Variants in MCOLN2 observed in about 807,000 individuals in gnomAD.
MCOLN2 encodes the protein mucolipin TRP cation channel 2, also known as mucolipin-2.
Under a neutral mutation model 67.5 loss-of-function variants are expected in MCOLN2, and 57 were observed. The observed-to-expected ratio is 0.84, with a 90% CI of 0.68 to 1.05. The LOEUF (loss-of-function observed/expected upper bound fraction) is 1.05. MCOLN2 is among the 50% of genes least tolerant of loss of function. The pLI is 0.00. For synonymous variants in MCOLN2, 246 were observed against 233.3 expected (o/e 1.05, Z -0.50); for missense variants, 620 against 678.8 (o/e 0.91, Z 0.96).
chr1:84,952,928 A>G (rs894161415), intron 4 of MCOLN2, among the ~76,000 whole-genome samples: 1 of 152,274 alleles, frequency 6.6e-6, no homozygotes, highest in African/African-American at 2.4e-5. Flanking sequence ...AAAGTTAAAC[A>G]AACAAAAACC....
intron 7 of MCOLN2, among the ~76,000 whole-genome samples, chr1:84,943,792 G>A (rs1323124834): frequency 6.6e-6 from 1 of 152,204 alleles, no homozygotes; most frequent in African/African-American, 2.4e-5. Flanking sequence ...GCTGCCATGA[G>A]AATCAGGTGG....
intron 1 of MCOLN2, among the ~76,000 whole-genome samples, chr1:84,974,282 G>A (rs1165890759): frequency 6.6e-6 from 1 of 151,988 alleles, no homozygotes; most frequent in Non-Finnish European, 1.5e-5. Context: ...TGGACTAGAG[G>A]GGCATGCAAT....
chr1:84,975,605 C>T (rs1194010512), intron 1 of MCOLN2, among the ~76,000 whole-genome samples: 1 of 152,122 alleles, frequency 6.6e-6, no homozygotes, highest in Non-Finnish European at 1.5e-5. Flanking sequence ...AAATTCCTAA[C>T]TTTTCAATGC....
intron 12 of MCOLN2, among the ~76,000 whole-genome samples, chr1:84,930,477 A>T (rs988794767): frequency 2.0e-5 from 3 of 151,904 alleles, no homozygotes; most frequent in African/African-American, 7.3e-5. Context: ...TAATGAGATA[A>T]CCTACTTCAA....
At chr1:84,931,694 T>C (rs1444432926) in intron 11 of MCOLN2, 126 bp from the exon 12 acceptor site, 1 of 762,166 alleles carries the variant, frequency 1.3e-6, no homozygotes, top group Non-Finnish European at 2.2e-6. Context: ...TATTTTAAGA[T>C]GCTAGAACAC....
rs1161677665 is a variant in MCOLN2 at position 84,952,223 on chromosome 1, A to G, written c.747+20T>C. The G allele has an allele frequency of 3.9e-6, 6 of 1,533,282 alleles. No homozygotes were observed. The South Asian group carries it at 5.8e-5, about 15-fold the overall frequency. The allele number at this position is 1,533,282 out of a possible 1,614,324, so 95.0% of individuals were successfully genotyped here. A position where few individuals can be genotyped will look rare whatever the true frequency, so the allele number is the denominator to read the frequency against. ...AGGAAAAAAATAAAAGGAAGTAGCTAGTAAAACAAAGATACTTGCCGTATT... is the reference window on the plus strand; with the variant it reads ...AGGAAAAAAATAAAAGGAAGTAGCTGGTAAAACAAAGATACTTGCCGTATT... On this transcript the variant is annotated intron_variant, in intron 6 of 13. Transcript: ENST00000370608.
intron 1 of MCOLN2, among the ~76,000 whole-genome samples, chr1:84,973,584 A>T (rs1201707839): frequency 6.6e-6 from 1 of 151,984 alleles, no homozygotes; most frequent in Non-Finnish European, 1.5e-5. Context: ...TCATGGTGGT[A>T]CCCCCATTGA....
intron 8 of MCOLN2, 140 bp from the exon 9 acceptor site, chr1:84,939,842 A>ATCT: frequency 1.3e-6 from 1 of 761,890 alleles, no homozygotes; most frequent in Non-Finnish European, 2.2e-6. Flanking sequence ...TCGAAAGTGG[A>ATCT]GGTTACGGCA....
chr1:84,950,134 G>A (rs1019497102), intron 6 of MCOLN2, among the ~76,000 whole-genome samples: 1 of 152,136 alleles, frequency 6.6e-6, no homozygotes, highest in South Asian at 2.1e-4. Flanking sequence ...AGAGGCTAAG[G>A]AACTCACAAT....
At position 84,929,500 on chromosome 1, in the gene MCOLN2, T is replaced by A. The variant is rs1661301859; in HGVS notation, c.1664+58A>T. The A allele has an allele frequency of 2.0e-6, 3 of 1,507,808 alleles. No individual in the cohort carries two copies. In the African/African-American group the frequency reaches 4.2e-5, roughly 21 times the overall value. The allele number at this position is 1,507,808 out of a possible 1,614,324, so 93.4% of individuals were successfully genotyped here. ...GTAATGGTAATCTTGGAGGGGCTCT[T>A]TCTTAAGACAACAGAACAGCCCATC... On this transcript the variant is annotated intron_variant, in intron 13 of 13. Coordinates refer to ENST00000370608, the MANE Select transcript of MCOLN2 (RefSeq NM_153259.4).
In MCOLN2 at chr1:84,929,448, T is replaced by C. The variant is rs191515844; in HGVS notation, c.1664+110A>G. ...GAGGAAAGAAAAGAAAGGTGAATTA[T>C]TTCCCATGATAAGCTGGTCTCTGAA... is the stretch of plus-strand genomic sequence containing the variant. On this transcript the variant is annotated intron_variant, in intron 13 of 13. Transcript: ENST00000370608. The C allele has an allele frequency of 7.2e-5, 90 of 1,248,192 alleles. No homozygotes were observed. The Admixed American group carries it at 2.3e-3, about 32-fold the overall frequency. The allele number at this position is 1,248,192 out of a possible 1,614,324, so 77.3% of individuals were successfully genotyped here.
At chr1:84,975,118 T>A (rs1255331248) in intron 1 of MCOLN2, among the ~76,000 whole-genome samples, 1 of 152,158 alleles carries the variant, frequency 6.6e-6, no homozygotes. Context: ...GAGCTCAGCA[T>A]CCTGGAGGGA....
At chr1:84,980,143 G>T (rs10873671) in intron 1 of MCOLN2, among the ~76,000 whole-genome samples, 1 of 152,094 alleles carries the variant, frequency 6.6e-6, no homozygotes, top group Non-Finnish European at 1.5e-5. Context: ...AATGAAAACT[G>T]TAAAACACTG....
Position 84,937,652 on chromosome 1 carries a change from A to C in MCOLN2, c.1335+103T>G. The C allele has an allele frequency of 2.0e-6, 3 of 1,520,144 alleles. No homozygotes were observed. The South Asian group carries it at 3.9e-5, about 20-fold the overall frequency. 94.2% of individuals were successfully genotyped at this position (1,520,144 alleles called of 1,614,324 possible). A position where few individuals can be genotyped will look rare whatever the true frequency, so the allele number is the denominator to read the frequency against. Reference sequence around the variant, plus strand: ...CAAAGATATGTGATTACTGATGTCAAGGGTACATGCTAGAGAAGACCAGGA... The same window carrying C: ...CAAAGATATGTGATTACTGATGTCACGGGTACATGCTAGAGAAGACCAGGA... On this transcript the variant is annotated intron_variant, in intron 11 of 13. Coordinates refer to ENST00000370608, the MANE Select transcript of MCOLN2 (RefSeq NM_153259.4).
At chr1:84,987,506 G>GTA (rs1557665657) in intron 1 of MCOLN2, among the ~76,000 whole-genome samples, 3 of 30,022 alleles carry the variant, frequency 1.0e-4, no homozygotes, top group African/African-American at 2.2e-4. Flanking sequence ...ATACATAGAT[G>GTA]TATACATATG....
intron 11 of MCOLN2, among the ~76,000 whole-genome samples, chr1:84,935,563 G>A (rs1647379549): frequency 6.6e-6 from 1 of 152,126 alleles, no homozygotes; most frequent in Non-Finnish European, 1.5e-5. Context: ...TAGTATGGAG[G>A]AATGTAAAAT....
chr1:84,976,822 T>C (rs1020587823), intron 1 of MCOLN2, among the ~76,000 whole-genome samples: 13 of 152,144 alleles, frequency 8.5e-5, no homozygotes, highest in African/African-American at 3.1e-4. Context: ...ACACCAGACC[T>C]GTCCTACAAA....
chr1:84,988,224 G>A (rs1165807000), intron 1 of MCOLN2, among the ~76,000 whole-genome samples: 1 of 151,628 alleles, frequency 6.6e-6, no homozygotes, highest in African/African-American at 2.4e-5. Context: ...TTTAATTTTT[G>A]CTTTTTTAAA....
chr1:84,976,975 A>C (rs1650020130), intron 1 of MCOLN2, among the ~76,000 whole-genome samples: 1 of 152,200 alleles, frequency 6.6e-6, no homozygotes. Context: ...CCTTGTGTAA[A>C]CTACTCTTAT....
Sources: allele counts gnomAD v4.1 joint callset (sites outside exome capture counted in the v4.1 genomes callset), GRCh38; gene constraint gnomAD v4.1.1; transcripts MANE v1.5; gene names NCBI Gene and HGNC (gene_info 2026-07-23, HGNC 2026-07-21).